Variants in MDGA2 observed in about 807,000 individuals in gnomAD.
MDGA2 encodes MAM domain-containing glycosylphosphatidylinositol anchor protein 2.
MDGA2 carries 40 observed loss-of-function variants against 117.8 expected under a neutral mutation model. That is an observed-to-expected ratio of 0.34 (90% CI 0.26 to 0.44). MDGA2 has a LOEUF of 0.44. MDGA2 is among the 20% of genes least tolerant of loss of function. MDGA2 has a pLI of 1.00. For synonymous variants in MDGA2, 452 were observed against 439.0 expected (o/e 1.03, Z -0.37); for missense variants, 1,123 against 1,250.6 (o/e 0.90, Z 1.54).
At chr14:47,206,320 G>A (rs1885680826) in intron 3 of MDGA2, among the ~76,000 whole-genome samples, 1 of 151,968 alleles carries the variant, frequency 6.6e-6, no homozygotes, top group Non-Finnish European at 1.5e-5. Context: ...GCCAGGCCTG[G>A]TGGCTCATGC....
chr14:47,548,708 T>G (rs2138772060), intron 1 of MDGA2, among the ~76,000 whole-genome samples: 1 of 152,260 alleles, frequency 6.6e-6, no homozygotes, highest in South Asian at 2.1e-4. Flanking sequence ...GGGTGAGAAA[T>G]TAAGGTCTTC....
At chr14:47,519,011 C>T (rs748802258) in intron 1 of MDGA2, among the ~76,000 whole-genome samples, 14 of 152,070 alleles carry the variant, frequency 9.2e-5, no homozygotes, top group Non-Finnish European at 1.3e-4. Context: ...CGAGATCAAA[C>T]TGGCAAACAT....
At chr14:47,638,342 C>A (rs569743404) in intron 1 of MDGA2, among the ~76,000 whole-genome samples, 1 of 152,138 alleles carries the variant, frequency 6.6e-6, no homozygotes, top group Non-Finnish European at 1.5e-5. Flanking sequence ...GAAAACTTAG[C>A]AACAACAGTA....
rs559311124 is a variant in MDGA2, at chr14:47,497,477, C to T, written c.280+177040G>A. ...CTCACCATGTTGGCCAGGCTGGTCT[C>T]GAACTCCTAACCTCAAGTGATCTGC... On this transcript the variant is annotated intron_variant, in intron 1 of 16. Coordinates refer to ENST00000399232, the MANE Select transcript of MDGA2 (RefSeq NM_001113498.3). Among the ~76,000 whole-genome samples the T allele has an allele frequency of 1.3e-3, 192 of 152,184 alleles. 1 individual carries two copies. The highest frequency in any genetic ancestry group is 1.2e-3 in the Non-Finnish European group (82 of 67,998).
At position 47,251,761 on chromosome 14, in the gene MDGA2, C is replaced by T. The variant is rs188618627; in HGVS notation, c.421-33566G>A. ...AACAATCTCACTCAAGACAAAAGAACGTTTCTTTAAAATCTTCAGATTAAA... is the reference window on the plus strand; with the variant it reads ...AACAATCTCACTCAAGACAAAAGAATGTTTCTTTAAAATCTTCAGATTAAA... On this transcript the variant is annotated intron_variant, in intron 2 of 16. Transcript: ENST00000399232. 1.2e-3 allele frequency among the ~76,000 whole-genome samples: 185 copies of T among 152,172 alleles called. 1 individual carries two copies. The highest frequency in any genetic ancestry group is 4.0e-3 in the African/African-American group (165 of 41,524).
chr14:47,566,684 C>T (rs1895925542), intron 1 of MDGA2, among the ~76,000 whole-genome samples: 1 of 152,106 alleles, frequency 6.6e-6, no homozygotes, highest in African/African-American at 2.4e-5. Context: ...TTAACACACT[C>T]ATTCCCCAGG....
chr14:46,839,902 T>A (rs2138252638), downstream of MDGA2, among the ~76,000 whole-genome samples: 1 of 152,068 alleles, frequency 6.6e-6, no homozygotes, highest in Non-Finnish European at 1.5e-5. Context: ...CCTTCAAAGG[T>A]TTAACTGCTT....
intron 5 of MDGA2, among the ~76,000 whole-genome samples, chr14:47,121,922 T>C (rs529319111): frequency 1.3e-3 from 202 of 152,110 alleles, no homozygotes; most frequent in Non-Finnish European, 2.2e-3. Context: ...GAAATAATCA[T>C]GTAAGCCCCA....
chr14:47,640,563 A>G (rs1034697454), intron 1 of MDGA2, among the ~76,000 whole-genome samples: 4 of 152,132 alleles, frequency 2.6e-5, no homozygotes, highest in Non-Finnish European at 5.9e-5. Context: ...TCAAATTTTT[A>G]GCATATCATA....
chr14:47,150,041 A>G (rs1175548733), intron 3 of MDGA2, among the ~76,000 whole-genome samples: 1 of 152,144 alleles, frequency 6.6e-6, no homozygotes, highest in African/African-American at 2.4e-5. Context: ...GCCAGAATGG[A>G]AGTGGGGTTC....
intron 1 of MDGA2, among the ~76,000 whole-genome samples, chr14:47,662,852 G>A (rs1411564409): frequency 6.6e-6 from 1 of 152,160 alleles, no homozygotes; most frequent in Non-Finnish European, 1.5e-5. Context: ...GGTCATAATG[G>A]AAAAGGGTTG....
chr14:47,231,545 G>A (rs983065960), intron 2 of MDGA2, among the ~76,000 whole-genome samples: 1 of 152,008 alleles, frequency 6.6e-6, no homozygotes, highest in Admixed American at 6.6e-5. Flanking sequence ...TCTTGGTAAA[G>A]TGAGCACACA....
chr14:47,529,141 G>C (rs1456379059), intron 1 of MDGA2, among the ~76,000 whole-genome samples: 1 of 151,888 alleles, frequency 6.6e-6, no homozygotes, highest in Non-Finnish European at 1.5e-5. Flanking sequence ...TGGGACTACA[G>C]ATGCCCGCCA....
At chr14:47,512,463 G>A (rs555136576) in intron 1 of MDGA2, among the ~76,000 whole-genome samples, 39 of 152,144 alleles carry the variant, frequency 2.6e-4, no homozygotes, top group African/African-American at 9.1e-4. Flanking sequence ...AGAGTTGGGG[G>A]ACTATAAAAT....
intron 1 of MDGA2, among the ~76,000 whole-genome samples, chr14:47,591,337 T>C (rs1383179259): frequency 6.6e-6 from 1 of 151,898 alleles, no homozygotes; most frequent in Non-Finnish European, 1.5e-5. Context: ...TAAGACAGCA[T>C]GACATTTATA....
chr14:47,104,346 A>T (rs1007302454), intron 5 of MDGA2, among the ~76,000 whole-genome samples: 4 of 150,496 alleles, frequency 2.7e-5, no homozygotes, highest in Non-Finnish European at 5.9e-5. Context: ...AAGAAGTGTA[A>T]ATGGCCGGTC....
At chr14:47,474,438 A>G (rs1328998645) in intron 1 of MDGA2, among the ~76,000 whole-genome samples, 1 of 152,174 alleles carries the variant, frequency 6.6e-6, no homozygotes, top group Non-Finnish European at 1.5e-5. Flanking sequence ...TGCTATTCCC[A>G]TTAAACTACC....
At chr14:47,377,784 G>A (rs1184928764) in intron 1 of MDGA2, among the ~76,000 whole-genome samples, 1 of 152,130 alleles carries the variant, frequency 6.6e-6, no homozygotes, top group Admixed American at 6.5e-5. Flanking sequence ...CTAGATCTGG[G>A]GGCAGGGCAT....
intron 9 of MDGA2, among the ~76,000 whole-genome samples, chr14:46,956,442 C>T (rs1367961957): frequency 6.6e-6 from 1 of 151,948 alleles, no homozygotes; most frequent in Non-Finnish European, 1.5e-5. Context: ...AATACTTCTC[C>T]CTAATTTACT....
Sources: allele counts gnomAD v4.1 joint callset (sites outside exome capture counted in the v4.1 genomes callset), GRCh38; gene constraint gnomAD v4.1.1; transcripts MANE v1.5; gene names NCBI Gene and HGNC (gene_info 2026-07-23, HGNC 2026-07-21).